PRKN: variants seen among roughly 807,000 people sequenced by gnomAD.
PRKN encodes parkin RBR E3 ubiquitin protein ligase.
In PRKN, 56 loss-of-function variants were observed where a neutral mutation model predicts 59.5. The ratio of observed to expected loss-of-function variants is 0.94; its 90% CI spans 0.76 to 1.18. PRKN has a LOEUF of 1.18. PRKN is among the 50% of genes most tolerant of loss of function. The pLI is 0.00. For synonymous variants in PRKN, 250 were observed against 222.1 expected, an observed-to-expected ratio of 1.13 and a Z score of -1.12; for missense variants, 657 against 596.4, an observed-to-expected ratio of 1.10 and a Z score of -1.06.
chr6:162,311,082 C>T (rs1194957053), intron 2 of PRKN, among the ~76,000 whole-genome samples: 1 of 152,028 alleles, frequency 6.6e-6, no homozygotes, highest in Non-Finnish European at 1.5e-5. Context: ...CCAACAAAGC[C>T]CTGACTGGAA....
intron 6 of PRKN, among the ~76,000 whole-genome samples, chr6:161,880,284 T>A (rs906206374): frequency 6.6e-6 from 1 of 152,322 alleles, no homozygotes; most frequent in Non-Finnish European, 1.5e-5. Flanking sequence ...TTCGATAACA[T>A]GTGCTAAGAT....
intron 3 of PRKN, among the ~76,000 whole-genome samples, chr6:162,235,973 G>GAAAGAAAGAAAGAAAGAAAGAA (rs1778672135): frequency 7.3e-5 from 7 of 96,010 alleles, no homozygotes; most frequent in African/African-American, 4.6e-4. Context: ...AAGAAAGAAA[G>GAAAGAAAGAAAGAAAGAAAGAA]AAAGAAAGAA....
intron 2 of PRKN, among the ~76,000 whole-genome samples, chr6:162,404,407 T>C (rs1021052161): frequency 6.6e-6 from 1 of 151,776 alleles, no homozygotes; most frequent in Non-Finnish European, 1.5e-5. Flanking sequence ...AAGAAAATCC[T>C]TTTTTCTTTT....
At chr6:162,161,982 T>C (rs1206380192) in intron 4 of PRKN, among the ~76,000 whole-genome samples, 4 of 152,128 alleles carry the variant, frequency 2.6e-5, no homozygotes, top group Non-Finnish European at 5.9e-5. Context: ...GTGCTCTGTA[T>C]CCACAGATTC....
chr6:161,582,033 T>C lies in PRKN; in HGVS notation c.872-12617A>G, dbSNP rs1781358362. ...GAGAAGGAGTTTTTGACTTAACTTG[T>C]TACTCCCCAGCTCACCGTGCCCAGA... On this transcript the variant is annotated intron_variant, in intron 7 of 11. Transcript: ENST00000366898. The surrounding 1 kb of genome is among the most constrained non-coding windows in gnomAD (Gnocchi z 4.4). Among the ~76,000 whole-genome samples, 1 of 152,204 alleles carries C rather than the reference T, an allele frequency of 6.6e-6. No homozygotes were observed. Among genetic ancestry groups the C allele is most frequent in the Non-Finnish European group, 1.5e-5 (1 of 68,038 alleles).
At chr6:161,679,406 G>A (rs933987118) in intron 7 of PRKN, among the ~76,000 whole-genome samples, 4 of 152,030 alleles carry the variant, frequency 2.6e-5, no homozygotes, top group South Asian at 2.1e-4. Context: ...CTGGGACAGC[G>A]CGCCTCTGAC....
chr6:161,899,189 C>A (rs1301425856), intron 6 of PRKN, among the ~76,000 whole-genome samples: 1 of 152,168 alleles, frequency 6.6e-6, no homozygotes, highest in Non-Finnish European at 1.5e-5. Flanking sequence ...ACAGATGAGG[C>A]TGAAATGAGA....
chr6:162,258,670 C>T (rs1275110635), intron 3 of PRKN, among the ~76,000 whole-genome samples: 1 of 152,220 alleles, frequency 6.6e-6, no homozygotes, highest in East Asian at 1.9e-4. Flanking sequence ...AACTTCTCAG[C>T]TTCCATCCAA....
rs866004939 is a variant in PRKN at position 161,904,982 on chromosome 6, C to T, written c.734+68320G>A. Among the ~76,000 whole-genome samples the T allele has an allele frequency of 2.0e-5, 3 of 152,128 alleles. No homozygotes were observed. In the South Asian group the frequency reaches 6.2e-4, roughly 32 times the overall value. On this transcript the variant is annotated intron_variant, in intron 6 of 11. Coordinates refer to ENST00000366898, the MANE Select transcript of PRKN (RefSeq NM_004562.3). ...CTGATTGACATTCTAATTTTTAACT[C>T]TTACACGGACTTAAATTTTGTTTAA...
chr6:162,383,141 T>C (rs1786587615), intron 2 of PRKN, among the ~76,000 whole-genome samples: 1 of 152,316 alleles, frequency 6.6e-6, no homozygotes, highest in Non-Finnish European at 1.5e-5. Context: ...ATGTTAATGT[T>C]AATATTTTGA....
intron 2 of PRKN, among the ~76,000 whole-genome samples, chr6:162,374,966 A>C (rs1785980709): frequency 6.6e-6 from 1 of 152,122 alleles, no homozygotes; most frequent in South Asian, 2.1e-4. Flanking sequence ...TTTATGTATA[A>C]CAAAAAGTGT....
At chr6:162,417,072 G>A (rs541281880) in intron 2 of PRKN, among the ~76,000 whole-genome samples, 52 of 152,178 alleles carry the variant, frequency 3.4e-4, no homozygotes, top group African/African-American at 7.5e-4. Flanking sequence ...AAACAGATGC[G>A]GGCTGTGAAG....
rs138516647 is a variant in PRKN at position 162,234,429 on chromosome 6, T to C, written c.412+28096A>G. Among the ~76,000 whole-genome samples, 487 of 152,340 alleles carry C rather than the reference T, an allele frequency of 3.2e-3. 4 individuals are homozygous for C. Among genetic ancestry groups the C allele is most frequent in the African/African-American group, 0.011 (457 of 41,580 alleles). On this transcript the variant is annotated intron_variant, in intron 3 of 11. Coordinates refer to ENST00000366898, the MANE Select transcript of PRKN (RefSeq NM_004562.3). Reference sequence around the variant, plus strand: ...GAAGAAATGACACAAGTCATATGTTTTAATTTAGTTATATAACATAATATA... The same window carrying C: ...GAAGAAATGACACAAGTCATATGTTCTAATTTAGTTATATAACATAATATA...
At chr6:161,826,849 A>G (rs1792266097) in intron 6 of PRKN, among the ~76,000 whole-genome samples, 1 of 152,234 alleles carries the variant, frequency 6.6e-6, no homozygotes, top group Non-Finnish European at 1.5e-5. Flanking sequence ...TGATCGAAAT[A>G]GCCTCCCAAA....
intron 4 of PRKN, among the ~76,000 whole-genome samples, chr6:162,077,659 G>C (rs904058750): frequency 6.6e-6 from 1 of 151,900 alleles, no homozygotes; most frequent in Non-Finnish European, 1.5e-5. Flanking sequence ...AAAAATCCAG[G>C]ATGGTTTAGG....
At chr6:162,637,120 G>A (rs551799260) in intron 1 of PRKN, among the ~76,000 whole-genome samples, 157 of 152,108 alleles carry the variant, frequency 1.0e-3, no homozygotes, top group African/African-American at 3.7e-3. Context: ...AGCCGGGCGT[G>A]GTGGCGGGTG....
chr6:162,112,944 G>C (rs1486647738), intron 4 of PRKN, among the ~76,000 whole-genome samples: 1 of 152,056 alleles, frequency 6.6e-6, no homozygotes, highest in East Asian at 1.9e-4. Flanking sequence ...AACACACCAT[G>C]ACGTCCTGCA....
At chr6:162,392,716 A>G (rs894216252) in intron 2 of PRKN, among the ~76,000 whole-genome samples, 1 of 152,214 alleles carries the variant, frequency 6.6e-6, no homozygotes, top group Non-Finnish European at 1.5e-5. Context: ...CTAATGTTAC[A>G]TTGATGCCAT....
intron 2 of PRKN, among the ~76,000 whole-genome samples, chr6:162,295,849 C>T (rs77661330): frequency 0.024 from 3,598 of 152,162 alleles, 150 homozygotes; most frequent in African/African-American, 0.082. Context: ...CAGGAGATGC[C>T]CCTTGACAGG....
Sources: allele counts gnomAD v4.1 joint callset (sites outside exome capture counted in the v4.1 genomes callset), GRCh38; gene constraint gnomAD v4.1.1; non-coding constraint Gnocchi (gnomAD v3.1); transcripts MANE v1.5; gene names NCBI Gene and HGNC (gene_info 2026-07-23, HGNC 2026-07-21).